The following REPS2 variants were observed in gnomAD, a reference collection of about 807,000 sequenced individuals.
REPS2 encodes ralBP1-associated Eps domain-containing protein 2.
In REPS2, 23 loss-of-function variants were observed where a neutral mutation model predicts 53.6. The ratio of observed to expected loss-of-function variants is 0.43; its 90% CI spans 0.31 to 0.61. The LOEUF (loss-of-function observed/expected upper bound fraction) is 0.61, where lower values mean the gene tolerates loss of function less well. Ranked by LOEUF, REPS2 falls within the 20% of genes least tolerant of loss-of-function variation. REPS2 has a pLI of 0.11. For missense variants in REPS2, 446 were observed against 534.9 expected, an observed-to-expected ratio of 0.83 and a Z score of 1.64; for synonymous variants, 238 against 218.6, an observed-to-expected ratio of 1.09 and a Z score of -0.78.
chrX:17,167,471 C>G, the REPS2 span, among the ~76,000 whole-genome samples: 419 of 110,476 alleles, frequency 3.8e-3, 5 homozygotes, highest in Admixed American at 0.035. Flanking sequence ...CCCTACTTAA[C>G]TGTTGTCCAC....
intron 5 of REPS2, among the ~76,000 whole-genome samples, chrX:17,047,036 A>G (rs759353042): frequency 2.2e-4 from 25 of 112,826 alleles, no homozygotes; most frequent in Non-Finnish European, 4.7e-4. Flanking sequence ...TGTGAGGAAT[A>G]GTGGAAAATA....
rs141167820 is a variant in REPS2, at chrX:17,080,136, C to A, written c.1516+2729C>A. Reference sequence around the variant, plus strand: ...TTCTATTTCATATAGAGGATTGCACCGTTCCCTTTAAGGTGTGCATGATAT... The same window carrying A: ...TTCTATTTCATATAGAGGATTGCACAGTTCCCTTTAAGGTGTGCATGATAT... On this transcript the variant is annotated intron_variant, in intron 13 of 17. Transcript: ENST00000357277. Among the ~76,000 whole-genome samples the A allele has an allele frequency of 5.4e-3, 600 of 111,038 alleles. 6 individuals carry two copies. The highest frequency in any genetic ancestry group is 0.019 in the African/African-American group (581 of 30,460).
intron 13 of REPS2, among the ~76,000 whole-genome samples, chrX:17,079,228 G>A (rs1286952179): frequency 1.8e-5 from 2 of 111,747 alleles, no homozygotes; most frequent in African/African-American, 6.5e-5. Context: ...TGGCCCACAG[G>A]CCTTAGTAAG....
intron 1 of REPS2, among the ~76,000 whole-genome samples, chrX:16,965,368 C>G (rs1482651200): frequency 1.0e-5 from 1 of 100,077 alleles, no homozygotes; most frequent in Non-Finnish European, 2.1e-5. Flanking sequence ...GGGGGGCTGA[C>G]CCCCCCACCT....
intron 4 of REPS2, among the ~76,000 whole-genome samples, chrX:17,027,781 G>T (rs2061665194): frequency 9.5e-6 from 1 of 105,700 alleles, no homozygotes; most frequent in East Asian, 2.9e-4. Flanking sequence ...TTGCATGTTT[G>T]GGGTTTCATT....
chrX:17,025,522 A>T (rs766079320), intron 4 of REPS2, among the ~76,000 whole-genome samples: 1 of 112,001 alleles, frequency 8.9e-6, no homozygotes, highest in African/African-American at 3.2e-5. Context: ...CCTTTCTGTA[A>T]GCACACCAAA....
At chrX:17,178,109 C>A in the REPS2 span, among the ~76,000 whole-genome samples, 1 of 111,871 alleles carries the variant, frequency 8.9e-6, no homozygotes, top group East Asian at 2.8e-4. Flanking sequence ...AGAGGAAGGC[C>A]ATGGTTTATG....
intron 1 of REPS2, chrX:16,978,619 T>G: frequency 4.1e-6 from 3 of 725,692 alleles, no homozygotes; most frequent in Non-Finnish European, 4.9e-6. Context: ...TTGGATTCAA[T>G]TACAGTAATC....
intron 5 of REPS2, among the ~76,000 whole-genome samples, chrX:17,032,961 G>T (rs771305375): frequency 1.5e-4 from 17 of 112,364 alleles, no homozygotes; most frequent in Non-Finnish European, 2.4e-4. Flanking sequence ...GCTTTGTAAA[G>T]AAATTATAAG....
chrX:17,115,553 C>A (rs1369697003), intron 14 of REPS2, among the ~76,000 whole-genome samples: 3 of 111,466 alleles, frequency 2.7e-5, no homozygotes, highest in Non-Finnish European at 5.7e-5. Flanking sequence ...TCAGCACAGA[C>A]CCTTTACGGG....
At chrX:17,111,187 G>GTTTTTT (rs924362757) in intron 14 of REPS2, among the ~76,000 whole-genome samples, 1 of 111,479 alleles carries the variant, frequency 9.0e-6, no homozygotes, top group African/African-American at 3.3e-5. Context: ...AAAATTGCAT[G>GTTTTTT]TTTTTTTTAT....
chrX:17,031,726 G>A (rs1339719596), intron 5 of REPS2, among the ~76,000 whole-genome samples: 4 of 111,810 alleles, frequency 3.6e-5, no homozygotes, highest in Non-Finnish European at 7.5e-5. Context: ...CAACATTCGA[G>A]TTGGAATAAG....
intron 14 of REPS2, among the ~76,000 whole-genome samples, chrX:17,130,804 A>G (rs1408669582): frequency 8.9e-6 from 1 of 111,795 alleles, no homozygotes; most frequent in Non-Finnish European, 1.9e-5. Context: ...AGACTCTGCT[A>G]TTTGTGTGAT....
chrX:17,077,029 G>A (rs1322227244), intron 12 of REPS2, among the ~76,000 whole-genome samples: 1 of 111,363 alleles, frequency 9.0e-6, no homozygotes, highest in Admixed American at 9.5e-5. Flanking sequence ...TTTTTTTTGG[G>A]GGGTTGATTC....
chrX:17,091,133 G>A (rs974217291), intron 13 of REPS2, among the ~76,000 whole-genome samples: 2 of 112,056 alleles, frequency 1.8e-5, no homozygotes, highest in Non-Finnish European at 3.8e-5. Flanking sequence ...ACACAGGGGA[G>A]TCATACATAA....
chrX:16,954,500 A>G (rs914346054), intron 1 of REPS2, among the ~76,000 whole-genome samples: 4 of 111,825 alleles, frequency 3.6e-5, no homozygotes, highest in Non-Finnish European at 7.5e-5. Flanking sequence ...AGGAAATGGA[A>G]ACATGCAGGG....
chrX:16,979,343 A>G (rs769687598), intron 1 of REPS2, among the ~76,000 whole-genome samples: 1 of 112,365 alleles, frequency 8.9e-6, no homozygotes, highest in South Asian at 3.7e-4. Context: ...CATGGATACT[A>G]TTAAGCATGC....
At chrX:17,189,027 A>T in the REPS2 span, among the ~76,000 whole-genome samples, 110 of 112,285 alleles carry the variant, frequency 9.8e-4, no homozygotes, top group African/African-American at 3.5e-3. Flanking sequence ...TATTGGGCAG[A>T]TCTGACATTA....
rs112704384 is a variant in REPS2 at position 16,994,778 on chromosome X, C to A, written c.274-11443C>A. 5.4e-3 allele frequency among the ~76,000 whole-genome samples: 596 copies of A among 111,334 alleles called. 5 individuals are homozygous for A. Among genetic ancestry groups the A allele is most frequent in the African/African-American group, 0.019 (572 of 30,588 alleles). ...GCACTGAAGAACTTAACTCATGTAACCAAATACCATCTGTTCCCCCAAAGC... is the reference window on the plus strand; with the variant it reads ...GCACTGAAGAACTTAACTCATGTAAACAAATACCATCTGTTCCCCCAAAGC... On this transcript the variant is annotated intron_variant, in intron 1 of 17. Coordinates refer to ENST00000357277, the MANE Select transcript of REPS2 (RefSeq NM_004726.3).
Sources: allele counts gnomAD v4.1 joint callset (sites outside exome capture counted in the v4.1 genomes callset), GRCh38; gene constraint gnomAD v4.1.1; transcripts MANE v1.5; gene names NCBI Gene and HGNC (gene_info 2026-07-23, HGNC 2026-07-21).